The following GIMAP2 variants were observed in gnomAD, a reference collection of about 807,000 sequenced individuals.
GIMAP2 encodes the protein GTPase IMAP family member 2.
Under a neutral mutation model 25.5 loss-of-function variants are expected in GIMAP2, and 22 were observed. The ratio of observed to expected loss-of-function variants is 0.86; its 90% CI spans 0.62 to 1.23. GIMAP2 has a LOEUF of 1.23. Ranked by LOEUF, GIMAP2 falls within the 50% of genes most tolerant of loss-of-function variation. The probability of loss-of-function intolerance (pLI) is 0.00; values close to 1 mark genes in which losing one functional copy is unlikely to be tolerated. For missense variants in GIMAP2, 422 were observed against 395.7 expected, an observed-to-expected ratio of 1.07 and a Z score of -0.56; for synonymous variants, 167 against 143.0, an observed-to-expected ratio of 1.17 and a Z score of -1.20.
chr7:150,693,264 A>G lies in GIMAP2; in HGVS notation c.978A>G (p.Thr326=), dbSNP rs1309413854. The change falls in exon 3 of 3, where the codon ACA becomes ACG. Residue 326 remains threonine (T), a synonymous_variant. Coordinates refer to ENST00000223293, the MANE Select transcript of GIMAP2 (RefSeq NM_015660.3). ...IPKKLMIFLR[T]VIRLERKTPR... The stretch of plus-strand genomic sequence containing the variant: ...AAAAGTTAATGATATTTTTGAGAAC[A>G]GTTATTAGACTAGAACGCAAGACTC... 26 of 1,594,518 alleles carry G rather than the reference A, an allele frequency of 1.6e-5. No homozygotes were observed. The highest frequency in any genetic ancestry group is 2.1e-5 in the Non-Finnish European group (25 of 1,174,186).
chr7:150,687,066 C>T lies in GIMAP2; in HGVS notation c.7C>T (p.Gln3Ter). 6.2e-7 allele frequency: 1 copy of T among 1,607,764 alleles called. No homozygotes were observed. The highest frequency in any genetic ancestry group is 8.5e-7 in the Non-Finnish European group (1 of 1,177,240). MD[Q>*]NEHSHWGPHA... is the part of the protein sequence containing the mutation. ...CTGTTTCTCAGGAACACCAATGGACCAAAATGAACACAGTCACTGGGGTAA... is the reference window on the plus strand; with the variant it reads ...CTGTTTCTCAGGAACACCAATGGACTAAAATGAACACAGTCACTGGGGTAA... The change falls in exon 2 of 3, where the codon CAA becomes TAA. Residue 3 changes from glutamine (Q) to a stop codon, truncating the protein, a stop_gained. Transcript: ENST00000223293. LOFTEE classifies it high-confidence loss of function.
Position 150,692,975 on chromosome 7 carries a change from T to C in GIMAP2, c.689T>C (p.Val230Ala), listed in dbSNP as rs776373050. The change falls in exon 3 of 3, where the codon GTG becomes GCG. Residue 230 changes from valine to alanine, a missense_variant. Val to Ala is a moderately conservative substitution (Grantham distance 64, BLOSUM62 0). Coordinates refer to ENST00000223293, the MANE Select transcript of GIMAP2 (RefSeq NM_015660.3). Reference protein sequence around the residue: ...SLIQRSKCGPVGSDERVKEFK... With the variant: ...SLIQRSKCGPAGSDERVKEFK... The stretch of plus-strand genomic sequence containing the variant: ...ATACAGAGGTCTAAATGTGGACCTG[T>C]GGGATCAGATGAAAGAGTAAAGGAA... The C allele has an allele frequency of 1.9e-6, 3 of 1,613,860 alleles. No individual in the cohort carries two copies. The highest frequency in any genetic ancestry group is 8.5e-7 in the Non-Finnish European group (1 of 1,179,848).
rs1796982854 is a variant in GIMAP2 at position 150,692,747 on chromosome 7, G to C, written c.461G>C (p.Gly154Ala). ...ACCCACAAGGAAGACCTCAATGGTG[G>C]CTCCCTGATGGATTACATGCACGAC... is the stretch of plus-strand genomic sequence containing the variant. ...LFTHKEDLNG[G>A]SLMDYMHDSD... Residue 154 changes from glycine (G) to alanine (A), a missense_variant, in exon 3 of 3, where the codon GGC becomes GCC. Physicochemically the swap from Gly to Ala is moderately conservative, Grantham distance 60 (BLOSUM62 0). Transcript: ENST00000223293. 5 of 1,614,146 alleles carry C rather than the reference G, an allele frequency of 3.1e-6. No homozygotes were observed. Among genetic ancestry groups the C allele is most frequent in the Non-Finnish European group, 4.2e-6 (5 of 1,179,980 alleles).
At chr7:150,690,419 G>A (rs1796954508) in intron 2 of GIMAP2, among the ~76,000 whole-genome samples, 1 of 152,168 alleles carries the variant, frequency 6.6e-6, no homozygotes. Context: ...AGCCCGAGAG[G>A]TCATTTGAAC....
intron 2 of GIMAP2, among the ~76,000 whole-genome samples, chr7:150,687,768 A>G (rs918213307): frequency 1.4e-5 from 2 of 147,802 alleles, no homozygotes; most frequent in African/African-American, 5.0e-5. Context: ...TGTCTCTATC[A>G]TTCCCTTCTC....
In GIMAP2 at chr7:150,692,843, C is replaced by T; in HGVS notation, c.557C>T (p.Ala186Val). The T allele has an allele frequency of 6.2e-7, 1 of 1,614,146 alleles. No individual in the cohort carries two copies. Among genetic ancestry groups the T allele is most frequent in the Non-Finnish European group, 8.5e-7 (1 of 1,180,014 alleles). Residue 186 changes from alanine to valine, a missense_variant, in exon 3 of 3, where the codon GCT becomes GTT. By Grantham distance (64) the Ala-to-Val change is moderately conservative (BLOSUM62 0). Transcript: ENST00000223293. ...CGAATCTGTGCCTTTAATAACCGTGCTGAAGGGAGCAATCAGGATGACCAA... is the reference window on the plus strand; with the variant it reads ...CGAATCTGTGCCTTTAATAACCGTGTTGAAGGGAGCAATCAGGATGACCAA... ...GGRICAFNNRAEGSNQDDQVK... is the reference protein window; with the variant it reads ...GGRICAFNNRVEGSNQDDQVK...
chr7:150,692,487 C>T lies in GIMAP2; in HGVS notation c.201C>T (p.Ser67=), dbSNP rs141540795. The T allele has an allele frequency of 1.3e-5, 21 of 1,613,990 alleles. No homozygotes were observed. Among genetic ancestry groups the T allele is most frequent in the Non-Finnish European group, 1.7e-5 (20 of 1,179,988 alleles). ...AGACTTGCAGCAAAAGTCAGGGAAGCTGGGGAAATAGAGAGATTGTCATTA... is the reference window on the plus strand; with the variant it reads ...AGACTTGCAGCAAAAGTCAGGGAAGTTGGGGAAATAGAGAGATTGTCATTA... ...LTKTCSKSQG[S]WGNREIVIID... Residue 67 remains serine (S), a synonymous_variant, in exon 3 of 3, where the codon AGC becomes AGT. Coordinates refer to ENST00000223293, the MANE Select transcript of GIMAP2 (RefSeq NM_015660.3).
intron 2 of GIMAP2, among the ~76,000 whole-genome samples, chr7:150,688,782 C>T (rs1796933960): frequency 1.3e-5 from 2 of 152,176 alleles, no homozygotes; most frequent in African/African-American, 4.8e-5. Flanking sequence ...CACCGCCATC[C>T]CATGCCCCAT....
intron 1 of GIMAP2, 102 bp downstream of exon 1, chr7:150,685,887 G>A (rs1342525542): frequency 3.5e-6 from 1 of 288,510 alleles, no homozygotes; most frequent in African/African-American, 2.3e-5. Flanking sequence ...CCTATTTTAA[G>A]AGAAGCAATT....
In GIMAP2 at chr7:150,693,050, C is replaced by A; in HGVS notation, c.764C>A (p.Ala255Asp). ...ATGGAAACTCAAAGAAGTTACACAGCCTTGGCTGAAGCAAACTGCCTAAAA... is the reference window on the plus strand; with the variant it reads ...ATGGAAACTCAAAGAAGTTACACAGACTTGGCTGAAGCAAACTGCCTAAAA... ...KYMETQRSYT[A>D]LAEANCLKGA... Residue 255 changes from alanine (A) to aspartate (D), a missense_variant, in exon 3 of 3, where the codon GCC becomes GAC. Transcript: ENST00000223293. The A allele has an allele frequency of 1.9e-6, 3 of 1,614,146 alleles. No homozygotes were observed. The highest frequency in any genetic ancestry group is 2.5e-6 in the Non-Finnish European group (3 of 1,179,964).
Position 150,692,709 on chromosome 7 carries a change from A to C in GIMAP2, c.423A>C (p.Thr141=). ...TTGGAGAGGATGCCATGGGACACAC[A>C]ATTGTCCTCTTTACCCACAAGGAAG... ...EIFGEDAMGH[T]IVLFTHKEDL... is the part of the protein sequence containing the mutation. Residue 141 remains threonine (T), a synonymous_variant, in exon 3 of 3, where the codon ACA becomes ACC. Transcript: ENST00000223293. 2 of 1,614,148 alleles carry C rather than the reference A, an allele frequency of 1.2e-6. No individual in the cohort carries two copies. The highest frequency in any genetic ancestry group is 1.7e-6 in the Non-Finnish European group (2 of 1,180,028).
At position 150,692,864 on chromosome 7, in the gene GIMAP2, A is replaced by AC; in HGVS notation, c.580dup (p.Gln194ProfsTer10). On this transcript the variant is annotated frameshift_variant, in exon 3 of 3. Transcript: ENST00000223293. LOFTEE classifies it high-confidence loss of function. The stretch of plus-strand genomic sequence containing the variant: ...CGTGCTGAAGGGAGCAATCAGGATG[A>AC]CCAAGTGAAGGAACTAATGGACTGT... 6.2e-7 allele frequency: 1 copy of AC among 1,614,232 alleles called. No individual in the cohort carries two copies. Among genetic ancestry groups the AC allele is most frequent in the South Asian group, 1.1e-5 (1 of 91,092 alleles).
At chr7:150,691,537 A>C (rs1796965458) in intron 2 of GIMAP2, among the ~76,000 whole-genome samples, 1 of 152,210 alleles carries the variant, frequency 6.6e-6, no homozygotes, top group Admixed American at 6.5e-5. Context: ...TTCACTAATA[A>C]AAATAATTTT....
chr7:150,691,539 A>T (rs1234607192), intron 2 of GIMAP2, among the ~76,000 whole-genome samples: 1 of 152,212 alleles, frequency 6.6e-6, no homozygotes, highest in Non-Finnish European at 1.5e-5. Flanking sequence ...CACTAATAAA[A>T]ATAATTTTAC....
At chr7:150,689,790 C>T (rs1041947319) in intron 2 of GIMAP2, 26 of 423,942 alleles carry the variant, frequency 6.1e-5, no homozygotes, top group East Asian at 1.1e-4. Context: ...GCATAGAAAA[C>T]GGGCAGGTTC....
At position 150,693,366 on chromosome 7, in the gene GIMAP2, A is replaced by C; in HGVS notation, c.*66A>C. ...GGTGAATCACAGTAATTTCCCTGTA[A>C]AATGTGGTACCTGAAGTCATATTTG... On this transcript the variant is annotated 3_prime_UTR_variant, in exon 3 of 3. Coordinates refer to ENST00000223293, the MANE Select transcript of GIMAP2 (RefSeq NM_015660.3). 1 of 1,070,082 alleles carries C rather than the reference A, an allele frequency of 9.3e-7. No individual in the cohort carries two copies. Among genetic ancestry groups the C allele is most frequent in the Admixed American group, 2.6e-5 (1 of 38,708 alleles). The allele number at this position is 1,070,082 out of a possible 1,614,324, so 66.3% of individuals were successfully genotyped here. A position where few individuals can be genotyped will look rare whatever the true frequency, so the allele number is the denominator to read the frequency against.
At chr7:150,686,682 G>A (rs1407170185) in intron 1 of GIMAP2, among the ~76,000 whole-genome samples, 2 of 152,152 alleles carry the variant, frequency 1.3e-5, no homozygotes, top group East Asian at 1.9e-4. Flanking sequence ...GATGGCTCAC[G>A]CTTTTAATTC....
intron 2 of GIMAP2, 73 bp from the exon 3 acceptor site, chr7:150,692,242 A>G (rs1585208327): frequency 7.1e-7 from 1 of 1,406,478 alleles, no homozygotes; most frequent in African/African-American, 1.5e-5. Flanking sequence ...AAAGAAAAAG[A>G]AATGAAAGGA....
At position 150,692,352 on chromosome 7, in the gene GIMAP2, G is replaced by C; in HGVS notation, c.66G>C (p.Glu22Asp). The change falls in exon 3 of 3, where the codon GAG becomes GAC. Residue 22 changes from glutamate (E) to aspartate (D), a missense_variant. Transcript: ENST00000223293. The stretch of plus-strand genomic sequence containing the variant: ...AGGGCCAATGTGCCAGCAGATCTGA[G>C]CTGAGAATCATCCTGGTGGGCAAAA... ...HAKGQCASRSELRIILVGKTG... is the reference protein window; with the variant it reads ...HAKGQCASRSDLRIILVGKTG... 3 of 1,614,180 alleles carry C rather than the reference G, an allele frequency of 1.9e-6. No individual in the cohort carries two copies. Among genetic ancestry groups the C allele is most frequent in the Non-Finnish European group, 2.5e-6 (3 of 1,180,004 alleles).
Sources: allele counts gnomAD v4.1 joint callset (sites outside exome capture counted in the v4.1 genomes callset), GRCh38; gene constraint gnomAD v4.1.1; transcripts MANE v1.5; gene names NCBI Gene and HGNC (gene_info 2026-07-23, HGNC 2026-07-21).